The following PIK3AP1 variants were observed in gnomAD, a reference collection of about 807,000 sequenced individuals.
PIK3AP1 encodes the protein phosphoinositide-3-kinase adaptor protein 1.
In PIK3AP1, 21 loss-of-function variants were observed where a neutral mutation model predicts 88.1. That is an observed-to-expected ratio of 0.24 (90% CI 0.17 to 0.34). The LOEUF is 0.34. PIK3AP1 is among the 10% of genes least tolerant of loss of function. The pLI is 1.00. For missense variants in PIK3AP1, 828 were observed against 1,035.7 expected, an observed-to-expected ratio of 0.80 and a Z score of 2.75; for synonymous variants, 398 against 400.0, an observed-to-expected ratio of 1.00 and a Z score of 0.06.
chr10:96,612,639 G>A (rs975365128), intron 13 of PIK3AP1, among the ~76,000 whole-genome samples: 1 of 151,978 alleles, frequency 6.6e-6, no homozygotes, highest in Non-Finnish European at 1.5e-5. Context: ...GCAGTACAGG[G>A]TCCAACTTCT....
At chr10:96,633,238 AT>A in intron 8 of PIK3AP1, 2 of 636,288 alleles carry the variant, frequency 3.1e-6, no homozygotes, top group Non-Finnish European at 2.4e-6. Flanking sequence ...ATCAGGAGCC[AT>A]TTTTATTGTA....
intron 2 of PIK3AP1, among the ~76,000 whole-genome samples, chr10:96,681,078 C>T (rs942772535): frequency 1.3e-5 from 2 of 152,140 alleles, no homozygotes; most frequent in African/African-American, 4.8e-5. Context: ...GGCCACAAGT[C>T]CAAGATCAAG....
At chr10:96,647,172 C>G (rs1843471102) in intron 7 of PIK3AP1, among the ~76,000 whole-genome samples, 1 of 152,214 alleles carries the variant, frequency 6.6e-6, no homozygotes. Flanking sequence ...CCTAGATTGA[C>G]TTCGGCACAA....
intron 2 of PIK3AP1, among the ~76,000 whole-genome samples, chr10:96,682,009 T>G (rs1354449097): frequency 4.9e-4 from 63 of 128,734 alleles, no homozygotes; most frequent in Admixed American, 1.3e-3. Flanking sequence ...TATATATATA[T>G]ATATAGAGAG....
At chr10:96,605,490 G>A (rs183139126) in intron 14 of PIK3AP1, among the ~76,000 whole-genome samples, 24 of 152,244 alleles carry the variant, frequency 1.6e-4, no homozygotes, top group Admixed American at 1.2e-3. Flanking sequence ...AAAAATAAGA[G>A]TTAATCAACA....
At chr10:96,653,891 C>T (rs913165377) in intron 3 of PIK3AP1, among the ~76,000 whole-genome samples, 4 of 152,228 alleles carry the variant, frequency 2.6e-5, no homozygotes, top group African/African-American at 7.2e-5. Flanking sequence ...AGAAGTCCTT[C>T]GCCACAGATA....
At chr10:96,671,085 C>T (rs747652822) in intron 2 of PIK3AP1, among the ~76,000 whole-genome samples, 2 of 152,202 alleles carry the variant, frequency 1.3e-5, no homozygotes, top group African/African-American at 2.4e-5. Flanking sequence ...CTGCATTTAT[C>T]TTGTTTACAC....
intron 7 of PIK3AP1, among the ~76,000 whole-genome samples, chr10:96,647,507 T>C (rs1310882648): frequency 2.6e-5 from 4 of 151,910 alleles, no homozygotes; most frequent in Admixed American, 1.3e-4. Flanking sequence ...TTGGTACATT[T>C]GTGACTTTAA....
intron 13 of PIK3AP1, 112 bp from the exon 14 acceptor site, chr10:96,609,979 G>A: frequency 7.5e-7 from 1 of 1,338,864 alleles, no homozygotes; most frequent in Non-Finnish European, 1.1e-6. Context: ...CATGGGAAGG[G>A]GAAGGGGAAG....
chr10:96,605,511 G>T (rs1351819194), intron 14 of PIK3AP1, among the ~76,000 whole-genome samples: 2 of 152,104 alleles, frequency 1.3e-5, no homozygotes, highest in Admixed American at 6.6e-5. Flanking sequence ...AAAATAAGGA[G>T]ATCTTAACTT....
At chr10:96,670,985 A>G (rs1053304272) in intron 2 of PIK3AP1, among the ~76,000 whole-genome samples, 1 of 152,206 alleles carries the variant, frequency 6.6e-6, no homozygotes, top group Non-Finnish European at 1.5e-5. Context: ...GCTATAATTA[A>G]CCAATGTCTG....
intron 13 of PIK3AP1, among the ~76,000 whole-genome samples, chr10:96,615,460 T>C (rs1353161243): frequency 6.6e-6 from 1 of 152,188 alleles, no homozygotes; most frequent in East Asian, 1.9e-4. Context: ...GTGGCTTGGC[T>C]GCAGCAGTGC....
chr10:96,593,516 G>T lies in PIK3AP1; in HGVS notation c.*2061C>A, dbSNP rs1198582424. 1 of 152,054 alleles carries T rather than the reference G, an allele frequency of 6.6e-6. No individual in the cohort carries two copies. Among genetic ancestry groups the T allele is most frequent in the Non-Finnish European group, 1.5e-5 (1 of 68,014 alleles). 9.4% of individuals were successfully genotyped at this position (152,054 alleles called of 1,614,324 possible). A position where few individuals can be genotyped will look rare whatever the true frequency, so the allele number is the denominator to read the frequency against. On this transcript the variant is annotated 3_prime_UTR_variant, in exon 17 of 17. Coordinates refer to ENST00000339364, the MANE Select transcript of PIK3AP1 (RefSeq NM_152309.3). ...ATTCTAAGTTTGGCATCCAAAAGGG[G>T]GCTTACAGTTATTGAATATTTTTCC... is the stretch of plus-strand genomic sequence containing the variant.
At chr10:96,658,566 G>A (rs183627737) in intron 2 of PIK3AP1, among the ~76,000 whole-genome samples, 10 of 152,226 alleles carry the variant, frequency 6.6e-5, no homozygotes, top group Non-Finnish European at 8.8e-5. Flanking sequence ...CAGAGGGGCC[G>A]GGGCTTCTTC....
At chr10:96,690,344 C>T (rs1287945084) in intron 2 of PIK3AP1, among the ~76,000 whole-genome samples, 1 of 152,150 alleles carries the variant, frequency 6.6e-6, no homozygotes. Context: ...CTCACTGCAG[C>T]CTTGACCTCC....
At chr10:96,704,223 T>C (rs1315785127) in intron 2 of PIK3AP1, among the ~76,000 whole-genome samples, 1 of 152,210 alleles carries the variant, frequency 6.6e-6, no homozygotes, top group Non-Finnish European at 1.5e-5. Context: ...CCTAATTTTA[T>C]ATCTAACTGA....
At chr10:96,680,234 C>T (rs1483862562) in intron 2 of PIK3AP1, among the ~76,000 whole-genome samples, 3 of 152,072 alleles carry the variant, frequency 2.0e-5, no homozygotes, top group African/African-American at 7.2e-5. Flanking sequence ...TATTCTAGGA[C>T]AAAGGAGCCA....
At position 96,593,782 on chromosome 10, in the gene PIK3AP1, T is replaced by C. The variant is rs1292236311; in HGVS notation, c.*1795A>G. Reference sequence around the variant, plus strand: ...ACACTCTCGTGATGGACATGGCCAATAGTGTATTTTGTCAAAAAACAAAAA... The same window carrying C: ...ACACTCTCGTGATGGACATGGCCAACAGTGTATTTTGTCAAAAAACAAAAA... On this transcript the variant is annotated 3_prime_UTR_variant, in exon 17 of 17. Transcript: ENST00000339364. 1 of 152,182 alleles carries C rather than the reference T, an allele frequency of 6.6e-6. No individual in the cohort carries two copies. The highest frequency in any genetic ancestry group is 1.5e-5 in the Non-Finnish European group (1 of 68,030). 9.4% of individuals were successfully genotyped at this position (152,182 alleles called of 1,614,324 possible).
intron 6 of PIK3AP1, among the ~76,000 whole-genome samples, chr10:96,649,589 T>C (rs1311278280): frequency 6.6e-6 from 1 of 152,242 alleles, no homozygotes; most frequent in Non-Finnish European, 1.5e-5. Flanking sequence ...TTAGCCCTTA[T>C]TCCTAATTTC....
Sources: gnomAD v4.1 joint callset for allele counts (sites outside exome capture counted in the v4.1 genomes callset) on GRCh38, gnomAD v4.1.1 for gene constraint, MANE v1.5 for transcripts, NCBI Gene and HGNC (gene_info 2026-07-23, HGNC 2026-07-21) for gene names.